Variants in CPAP observed in about 807,000 individuals in gnomAD.
CPAP encodes centrosome assembly and centriole elongation protein.
the CPAP span, among the ~76,000 whole-genome samples, chr13:24,930,897 C>G: frequency 6.6e-6 from 1 of 152,190 alleles, no homozygotes; most frequent in South Asian, 2.1e-4. Flanking sequence ...AAACTGCTTT[C>G]CACAGTGGTT....
At chr13:24,886,077 T>C in the CPAP span, 1 of 369,920 alleles carries the variant, frequency 2.7e-6, no homozygotes, top group Non-Finnish European at 5.3e-6. Flanking sequence ...TTGTAATATG[T>C]CCAGCACACC....
At chr13:24,909,937 C>G in the CPAP span, 1 of 1,614,140 alleles carries the variant, frequency 6.2e-7, no homozygotes, top group Non-Finnish European at 8.5e-7. Flanking sequence ...TTGCTTTGCT[C>G]ATGGGATAAA....
At chr13:24,921,639 A>C in the CPAP span, among the ~76,000 whole-genome samples, 13 of 151,272 alleles carry the variant, frequency 8.6e-5, no homozygotes, top group African/African-American at 3.2e-4. Context: ...TTTTTTTTTC[A>C]AAATCAACCA....
At chr13:24,887,073 G>A in the CPAP span, among the ~76,000 whole-genome samples, 12 of 152,056 alleles carry the variant, frequency 7.9e-5, no homozygotes, top group African/African-American at 2.9e-4. Context: ...ACACAGTGCT[G>A]GAATAGCTGG....
At chr13:24,887,661 A>G in the CPAP span, among the ~76,000 whole-genome samples, 88 of 146,716 alleles carry the variant, frequency 6.0e-4, no homozygotes, top group African/African-American at 2.1e-3. Context: ...TTCATTATAC[A>G]TTACAATGTA....
chr13:24,915,842 A>G, the CPAP span, among the ~76,000 whole-genome samples: 1 of 152,166 alleles, frequency 6.6e-6, no homozygotes, highest in Non-Finnish European at 1.5e-5. Flanking sequence ...ATAAGAGGCA[A>G]AAAGTGTAGC....
At chr13:24,920,718 TCAAGCGA>T in the CPAP span, among the ~76,000 whole-genome samples, 2 of 150,550 alleles carry the variant, frequency 1.3e-5, no homozygotes, top group African/African-American at 4.9e-5. Flanking sequence ...CCTCCCGGGT[TCAAGCGA>T]TTCACCCACC....
At chr13:24,890,469 T>C in the CPAP span, among the ~76,000 whole-genome samples, 1 of 152,174 alleles carries the variant, frequency 6.6e-6, no homozygotes, top group South Asian at 2.1e-4. Context: ...CCTGAAAGCC[T>C]CTGGGCCCAC....
chr13:24,912,965 T>C, the CPAP span: 231,677 of 1,613,936 alleles, frequency 0.14, 17,819 homozygotes, highest in East Asian at 0.28. Flanking sequence ...GGATTGGTCA[T>C]CCACTGGGTT....
the CPAP span, chr13:24,899,272 T>C: frequency 1.6e-6 from 1 of 644,032 alleles, no homozygotes; most frequent in Non-Finnish European, 2.7e-6. Context: ...ATATTCCTGA[T>C]ACACTGTCTC....
chr13:24,884,451 A>G, the CPAP span: 12 of 1,613,986 alleles, frequency 7.4e-6, no homozygotes, highest in African/African-American at 1.5e-4. Context: ...CCATTCTTAT[A>G]AACCTTTTCC....
At chr13:24,885,305 G>C in the CPAP span, 2 of 1,612,496 alleles carry the variant, frequency 1.2e-6, no homozygotes, top group Non-Finnish European at 1.7e-6. Context: ...ATTTCTCCCT[G>C]TATGTCTTGG....
the CPAP span, chr13:24,908,019 T>C: frequency 3.1e-6 from 5 of 1,595,772 alleles, no homozygotes; most frequent in Non-Finnish European, 4.3e-6. Flanking sequence ...GAACAATACC[T>C]TTCTTCAATA....
the CPAP span, among the ~76,000 whole-genome samples, chr13:24,920,551 C>T: frequency 1.4e-4 from 21 of 150,176 alleles, no homozygotes; most frequent in African/African-American, 4.4e-4. Context: ...TTTAAAAAAA[C>T]AAAAATTGCT....
At chr13:24,901,774 T>C in the CPAP span, among the ~76,000 whole-genome samples, 1 of 152,200 alleles carries the variant, frequency 6.6e-6, no homozygotes, top group Non-Finnish European at 1.5e-5. Context: ...GGGGGATCAC[T>C]TGAGCCCAGG....
the CPAP span, chr13:24,883,491 A>T: frequency 1.4e-6 from 1 of 710,820 alleles, no homozygotes; most frequent in African/African-American, 1.8e-5. Flanking sequence ...TCCCTTGGTT[A>T]TCCCTATACA....
chr13:24,926,837 T>G, the CPAP span, among the ~76,000 whole-genome samples: 2 of 152,020 alleles, frequency 1.3e-5, no homozygotes, highest in Non-Finnish European at 2.9e-5. Flanking sequence ...GAAAAAGCAT[T>G]AGAGAAAACA....
At chr13:24,894,104 C>G in the CPAP span, among the ~76,000 whole-genome samples, 1 of 151,872 alleles carries the variant, frequency 6.6e-6, no homozygotes, top group Non-Finnish European at 1.5e-5. Flanking sequence ...AAGGGACCAG[C>G]GCAGATGACA....
At chr13:24,892,629 GC>G in the CPAP span, 1 of 1,596,972 alleles carries the variant, frequency 6.3e-7, no homozygotes, top group Non-Finnish European at 8.6e-7. Context: ...CAACCCACCC[GC>G]CTCCCTGCCT....
Sources: gnomAD v4.1 joint callset for allele counts (sites outside exome capture counted in the v4.1 genomes callset) on GRCh38, gnomAD v4.1.1 for gene constraint, MANE v1.5 for transcripts, NCBI Gene and HGNC (gene_info 2026-07-23, HGNC 2026-07-21) for gene names.